The following VPS37A variants were observed in gnomAD, a reference collection of about 807,000 sequenced individuals.
VPS37A encodes vacuolar protein sorting-associated protein 37A.
Under a neutral mutation model 49.8 loss-of-function variants are expected in VPS37A, and 30 were observed. The observed-to-expected ratio is 0.60, with a 90% CI of 0.45 to 0.82. VPS37A has a LOEUF of 0.82. VPS37A is among the 40% of genes least tolerant of loss of function. The pLI is 0.00. For missense variants in VPS37A, 593 were observed against 464.4 expected (o/e 1.28, Z -2.55); for synonymous variants, 195 against 160.6 (o/e 1.21, Z -1.62).
chr8:17,299,317 A>T (rs898095460), downstream of VPS37A: 3 of 152,478 alleles, frequency 2.0e-5, no homozygotes, highest in African/African-American at 7.2e-5. Context: ...AGTGATGATT[A>T]TGCCTGAAAG....
the VPS37A span, chr8:17,331,190 G>A: frequency 4.3e-6 from 7 of 1,612,812 alleles, no homozygotes; most frequent in Non-Finnish European, 5.9e-6. Context: ...TGACATGGAT[G>A]TTCTCTATCC....
At chr8:17,250,312 A>G (rs1257976930) in intron 1 of VPS37A, among the ~76,000 whole-genome samples, 2 of 152,168 alleles carry the variant, frequency 1.3e-5, no homozygotes, top group Non-Finnish European at 2.9e-5. Context: ...TACTGGCAAT[A>G]TGTTGCCTGA....
At chr8:17,265,325 T>C (rs1443286797) in intron 1 of VPS37A, among the ~76,000 whole-genome samples, 1 of 152,238 alleles carries the variant, frequency 6.6e-6, no homozygotes, top group Non-Finnish European at 1.5e-5. Flanking sequence ...TTCTACTGGA[T>C]GGGATTTAAG....
At chr8:17,268,785 A>G (rs1813710276) in intron 3 of VPS37A, 71 bp from the exon 4 acceptor site, 3 of 1,010,114 alleles carry the variant, frequency 3.0e-6, no homozygotes, top group East Asian at 2.4e-5. Flanking sequence ...ATTTAGAGTG[A>G]CATTATCCTA....
chr8:17,302,035 T>A (rs1043406766), downstream of VPS37A: 2 of 1,348,896 alleles, frequency 1.5e-6, no homozygotes, highest in East Asian at 4.6e-5. Flanking sequence ...GTTTCAGGTG[T>A]TCTACTGACT....
chr8:17,276,540 T>C lies in VPS37A; in HGVS notation c.713+73T>C, dbSNP rs561585910. The stretch of plus-strand genomic sequence containing the variant: ...GCATAAACCAGATTATTATTTCATA[T>C]CCATATAAATTAAAGTTTAAAATTT... On this transcript the variant is annotated intron_variant, in intron 6 of 11. Transcript: ENST00000324849. The C allele has an allele frequency of 1.9e-4, 261 of 1,397,474 alleles. 1 individual carries two copies. In the African/African-American group the frequency reaches 2.5e-3, roughly 13 times the overall value. The allele number at this position is 1,397,474 out of a possible 1,614,324, so 86.6% of individuals were successfully genotyped here.
At chr8:17,249,226 G>C (rs1357963141) in intron 1 of VPS37A, among the ~76,000 whole-genome samples, 1 of 152,172 alleles carries the variant, frequency 6.6e-6, no homozygotes, top group Admixed American at 6.5e-5. Context: ...TAATTGATGT[G>C]AAATTTATAA....
chr8:17,273,492 G>A (rs1037383918), intron 4 of VPS37A, among the ~76,000 whole-genome samples: 5 of 151,876 alleles, frequency 3.3e-5, no homozygotes, highest in Non-Finnish European at 5.9e-5. Context: ...TCAGCCTCCC[G>A]AGTAGCTGGG....
chr8:17,286,909 T>A (rs1241880296), intron 11 of VPS37A, among the ~76,000 whole-genome samples: 1 of 152,186 alleles, frequency 6.6e-6, no homozygotes, highest in African/African-American at 2.4e-5. Context: ...AAATACCACT[T>A]TTATGATAAA....
chr8:17,285,692 A>T (rs189473115), intron 10 of VPS37A, among the ~76,000 whole-genome samples: 6 of 152,162 alleles, frequency 3.9e-5, no homozygotes, highest in Non-Finnish European at 5.9e-5. Context: ...TTATGGTTAT[A>T]GTGTTAGTAA....
chr8:17,247,648 C>A, intron 1 of VPS37A: 1 of 704,326 alleles, frequency 1.4e-6, no homozygotes, highest in South Asian at 1.5e-5. Flanking sequence ...CTCAATCTCT[C>A]TCATAGTCTA....
chr8:17,302,048 A>T, downstream of VPS37A: 10 of 1,475,052 alleles, frequency 6.8e-6, no homozygotes, highest in South Asian at 1.2e-4. Context: ...TACTGACTAA[A>T]AATGTGAAAT....
In VPS37A at chr8:17,296,943, A is replaced by G. The variant is rs899454314; in HGVS notation, c.*1957A>G. 2.2e-4 allele frequency: 34 copies of G among 152,314 alleles called. No individual in the cohort carries two copies. Among genetic ancestry groups the G allele is most frequent in the African/African-American group, 8.2e-4 (34 of 41,574 alleles). The allele number at this position is 152,314 out of a possible 1,614,324, so 9.4% of individuals were successfully genotyped here. A position where few individuals can be genotyped will look rare whatever the true frequency, so the allele number is the denominator to read the frequency against. On this transcript the variant is annotated 3_prime_UTR_variant, in exon 12 of 12. Transcript: ENST00000324849. ...TTAACAAATAGACAAATCAGTTTAC[A>G]TAAAGGTTATGTATGTCACCCACGA... is the stretch of plus-strand genomic sequence containing the variant.
chr8:17,247,906 G>A, intron 1 of VPS37A: 1 of 632,490 alleles, frequency 1.6e-6, no homozygotes, highest in Non-Finnish European at 2.8e-6. Flanking sequence ...TTACCCTGTT[G>A]GAGCAGTCTC....
chr8:17,250,565 G>A (rs565347665), intron 1 of VPS37A, among the ~76,000 whole-genome samples: 1 of 151,852 alleles, frequency 6.6e-6, no homozygotes, highest in South Asian at 2.1e-4. Context: ...TCTTTTTTTG[G>A]CCATGAAAGT....
chr8:17,314,619 C>CA, the VPS37A span, among the ~76,000 whole-genome samples: 1 of 152,186 alleles, frequency 6.6e-6, no homozygotes, highest in African/African-American at 2.4e-5. Context: ...AAGCCACACA[C>CA]AAAAAAGCAC....
intron 1 of VPS37A, among the ~76,000 whole-genome samples, chr8:17,254,981 G>T (rs538918777): frequency 1.3e-5 from 2 of 152,154 alleles, no homozygotes; most frequent in South Asian, 4.2e-4. Flanking sequence ...CAACACTGAG[G>T]AAAATGCATG....
chr8:17,277,687 T>A lies in VPS37A; in HGVS notation c.713+1220T>A, dbSNP rs186998537. Among the ~76,000 whole-genome samples, 827 of 152,228 alleles carry A rather than the reference T, an allele frequency of 5.4e-3. 34 individuals carry two copies. Among genetic ancestry groups the A allele is most frequent in the Admixed American group, 0.05 (764 of 15,278 alleles). ...ACCATCATCATCATACCTAACACAA[T>A]TAATGGTAATTCTTTAATATTACCT... On this transcript the variant is annotated intron_variant, in intron 6 of 11. Transcript: ENST00000324849.
At chr8:17,309,512 C>T in the VPS37A span, among the ~76,000 whole-genome samples, 1 of 152,176 alleles carries the variant, frequency 6.6e-6, no homozygotes, top group African/African-American at 2.4e-5. Flanking sequence ...AGTTGAAGGT[C>T]ATCCATGGGA....
Sources: allele counts gnomAD v4.1 joint callset (sites outside exome capture counted in the v4.1 genomes callset), GRCh38; gene constraint gnomAD v4.1.1; transcripts MANE v1.5; gene names NCBI Gene and HGNC (gene_info 2026-07-23, HGNC 2026-07-21).